TPP2: variants seen among roughly 807,000 people sequenced by gnomAD.
The protein encoded by TPP2 is tripeptidyl peptidase 2, also known as tripeptidyl-peptidase 2.
A neutral mutation model predicts 155.9 loss-of-function variants in TPP2; 34 were observed. That is an observed-to-expected ratio of 0.22 (90% CI 0.17 to 0.29). The LOEUF is 0.29. TPP2 is among the 10% of genes least tolerant of loss of function. TPP2 has a pLI of 1.00. For missense variants in TPP2, 1,028 were observed against 1,522.3 expected (o/e 0.68, Z 5.40); for synonymous variants, 510 against 529.4 (o/e 0.96, Z 0.50).
At chr13:102,642,980 T>G (rs1882866561) in intron 16 of TPP2, among the ~76,000 whole-genome samples, 4 of 152,206 alleles carry the variant, frequency 2.6e-5, no homozygotes, top group Admixed American at 6.5e-5. Context: ...CTCATGGTGG[T>G]GGTTCATTTT....
At chr13:102,606,989 A>G (rs2139419200) in intron 2 of TPP2, among the ~76,000 whole-genome samples, 1 of 152,264 alleles carries the variant, frequency 6.6e-6, no homozygotes, top group East Asian at 1.9e-4. Context: ...CCCTCAGGAT[A>G]GGATTAGTAC....
intron 24 of TPP2, among the ~76,000 whole-genome samples, chr13:102,652,973 C>T (rs538393698): frequency 5.3e-5 from 8 of 152,314 alleles, no homozygotes; most frequent in South Asian, 2.1e-4. Flanking sequence ...GCACTTATCA[C>T]GAAGGCCATA....
intron 5 of TPP2, among the ~76,000 whole-genome samples, chr13:102,621,816 A>T (rs1181885160): frequency 1.3e-5 from 2 of 152,172 alleles, no homozygotes; most frequent in Non-Finnish European, 2.9e-5. Flanking sequence ...GACTTCCAGG[A>T]TGGATGCTGG....
intron 27 of TPP2, among the ~76,000 whole-genome samples, chr13:102,672,185 G>A (rs929346054): frequency 1.3e-5 from 2 of 152,112 alleles, no homozygotes; most frequent in African/African-American, 4.8e-5. Context: ...AGCAGGCTAG[G>A]GACTGCCGGC....
chr13:102,646,514 A>G, intron 20 of TPP2, 124 bp downstream of exon 20: 2 of 604,516 alleles, frequency 3.3e-6, no homozygotes, highest in Non-Finnish European at 5.3e-6. Context: ...CAAGTGATTA[A>G]CAGTTAATTT....
intron 24 of TPP2, among the ~76,000 whole-genome samples, chr13:102,652,407 T>C (rs1169894121): frequency 3.1e-3 from 14 of 4,574 alleles, no homozygotes; most frequent in East Asian, 0.024. Flanking sequence ...CATATATATA[T>C]ATATATATAT....
chr13:102,643,210 T>G lies in TPP2; in HGVS notation c.2021-12T>G, dbSNP rs552617984. On this transcript the variant is annotated splice_polypyrimidine_tract_variant and intron_variant, in intron 16 of 29. Coordinates refer to ENST00000376052, the MANE Select transcript of TPP2 (RefSeq NM_001330588.2). ...TAAGTTTAAAGCTTTGCTTCTTTCT[T>G]TCTTATTTTAGAAGTGACAGTGTGT... The G allele has an allele frequency of 4.8e-5, 76 of 1,578,288 alleles. No individual in the cohort carries two copies. In the African/African-American group the frequency reaches 9.5e-4, roughly 20 times the overall value.
intron 6 of TPP2, among the ~76,000 whole-genome samples, chr13:102,624,426 T>C (rs1398618467): frequency 6.6e-6 from 1 of 152,124 alleles, no homozygotes; most frequent in Non-Finnish European, 1.5e-5. Flanking sequence ...TGTAAATATA[T>C]CAGTATATCC....
chr13:102,629,924 A>T (rs548223860), intron 9 of TPP2, among the ~76,000 whole-genome samples, 172 bp from the exon 10 acceptor site: 96 of 152,324 alleles, frequency 6.3e-4, no homozygotes, highest in Non-Finnish European at 1.2e-3. Context: ...TTCTTAGTAA[A>T]ATGTATGGTA....
At chr13:102,635,439 G>A (rs901128186) in intron 11 of TPP2, 148 bp from the exon 12 acceptor site, 1 of 571,196 alleles carries the variant, frequency 1.8e-6, no homozygotes, top group African/African-American at 1.9e-5. Flanking sequence ...AGACTGTTTA[G>A]TTCAGGTCTT....
At chr13:102,615,753 C>T (rs1257478437) in intron 3 of TPP2, among the ~76,000 whole-genome samples, 1 of 152,050 alleles carries the variant, frequency 6.6e-6, no homozygotes, top group Non-Finnish European at 1.5e-5. Flanking sequence ...TTGTATGGGC[C>T]CAGAATACAA....
chr13:102,646,777 G>A (rs1883133732), intron 20 of TPP2, among the ~76,000 whole-genome samples: 1 of 152,188 alleles, frequency 6.6e-6, no homozygotes. Context: ...TAGCTCCCAG[G>A]TGGGATGGGT....
At chr13:102,612,404 A>C (rs894318255) in intron 2 of TPP2, among the ~76,000 whole-genome samples, 1 of 152,226 alleles carries the variant, frequency 6.6e-6, no homozygotes, top group African/African-American at 2.4e-5. Flanking sequence ...AATTAAAAAG[A>C]TTACGTGTAT....
chr13:102,650,102 T>C (rs1030179264), intron 23 of TPP2, among the ~76,000 whole-genome samples: 1 of 152,180 alleles, frequency 6.6e-6, no homozygotes, highest in African/African-American at 2.4e-5. Flanking sequence ...ACATATATGT[T>C]ACAGTTTTAT....
chr13:102,672,840 G>A (rs1885066619), intron 27 of TPP2, among the ~76,000 whole-genome samples: 1 of 152,180 alleles, frequency 6.6e-6, no homozygotes, highest in Non-Finnish European at 1.5e-5. Flanking sequence ...TAATTCCAGT[G>A]TAAACAAGCA....
At chr13:102,622,360 G>GA (rs1380684248) in intron 5 of TPP2, among the ~76,000 whole-genome samples, 1 of 152,136 alleles carries the variant, frequency 6.6e-6, no homozygotes, top group African/African-American at 2.4e-5. Context: ...TAGTAAAATG[G>GA]AAAAAACATG....
rs746701432 is a variant in TPP2, at chr13:102,643,410, A to G, written c.2175+34A>G. On this transcript the variant is annotated intron_variant, in intron 17 of 29. Coordinates refer to ENST00000376052, the MANE Select transcript of TPP2 (RefSeq NM_001330588.2). Reference sequence around the variant, plus strand: ...AATTATAGTTTATAATCCTAACACAATTTATTTGCCTTTTTGGTATGGGCT... The same window carrying G: ...AATTATAGTTTATAATCCTAACACAGTTTATTTGCCTTTTTGGTATGGGCT... The G allele has an allele frequency of 1.2e-5, 18 of 1,547,322 alleles. No homozygotes were observed. In the East Asian group the frequency reaches 3.8e-4, roughly 32 times the overall value.
At chr13:102,604,138 T>C (rs1879634915) in intron 1 of TPP2, among the ~76,000 whole-genome samples, 1 of 152,162 alleles carries the variant, frequency 6.6e-6, no homozygotes, top group Non-Finnish European at 1.5e-5. Context: ...GCTTGAACTT[T>C]GTTGCGTTTG....
At chr13:102,635,774 A>AT (rs1287104927) in intron 12 of TPP2, 72 bp downstream of exon 12, 41 of 1,175,360 alleles carry the variant, frequency 3.5e-5, no homozygotes. Context: ...ATTGGGTAAT[A>AT]TTTTGTTTTA....
Sources: allele counts gnomAD v4.1 joint callset (sites outside exome capture counted in the v4.1 genomes callset), GRCh38; gene constraint gnomAD v4.1.1; transcripts MANE v1.5; gene names NCBI Gene and HGNC (gene_info 2026-07-23, HGNC 2026-07-21).